The following KLF12 variants were observed in gnomAD, a reference collection of about 807,000 sequenced individuals.
KLF12 encodes Krueppel-like factor 12.
A neutral mutation model predicts 37.8 loss-of-function variants in KLF12; 9 were observed. The observed-to-expected ratio is 0.24, with a 90% CI of 0.14 to 0.42. The LOEUF is 0.42. KLF12 is among the 10% of genes least tolerant of loss of function. The probability of loss-of-function intolerance (pLI) is 1.00; values close to 1 mark genes in which losing one functional copy is unlikely to be tolerated. For synonymous variants in KLF12, 208 were observed against 202.1 expected, an observed-to-expected ratio of 1.03 and a Z score of -0.25; for missense variants, 411 against 516.0, an observed-to-expected ratio of 0.80 and a Z score of 1.97.
chr13:74,219,365 A>G, the KLF12 span, among the ~76,000 whole-genome samples: 1 of 152,176 alleles, frequency 6.6e-6, no homozygotes, highest in Non-Finnish European at 1.5e-5. Context: ...CTATATTTCC[A>G]TGTGAGTATA....
rs553066764 is a variant in KLF12 at position 74,016,352 on chromosome 13, C to G, written c.-31-21299G>C. 1.1e-4 allele frequency among the ~76,000 whole-genome samples: 16 copies of G among 151,904 alleles called. No individual in the cohort carries two copies. The South Asian group carries it at 3.3e-3, about 32-fold the overall frequency. On this transcript the variant is annotated intron_variant, in intron 1 of 7. Transcript: ENST00000377669. ...AAAACAATACGGAGTATCTGGAATT[C>G]CAGATTTGGTTTGTTTGTTTTTTAA...
At chr13:73,823,035 G>A (rs942234709) in intron 4 of KLF12, among the ~76,000 whole-genome samples, 1 of 152,170 alleles carries the variant, frequency 6.6e-6, no homozygotes, top group African/African-American at 2.4e-5. Context: ...GGAGAACAAT[G>A]AGATCACCAA....
intron 2 of KLF12, among the ~76,000 whole-genome samples, chr13:73,981,276 C>G (rs963760249): frequency 6.6e-6 from 1 of 152,080 alleles, no homozygotes; most frequent in Non-Finnish European, 1.5e-5. Flanking sequence ...GGTATATATT[C>G]CAGAGAAAAT....
At chr13:73,911,190 C>T (rs1888552436) in intron 3 of KLF12, among the ~76,000 whole-genome samples, 3 of 152,142 alleles carry the variant, frequency 2.0e-5, no homozygotes, top group South Asian at 4.2e-4. Flanking sequence ...ATCAGGACAT[C>T]TCACTGGGCC....
At chr13:74,295,893 A>C in the KLF12 span, among the ~76,000 whole-genome samples, 9 of 152,176 alleles carry the variant, frequency 5.9e-5, no homozygotes, top group East Asian at 1.2e-3. Flanking sequence ...AGTTCACTGC[A>C]ACCTCCACCT....
chr13:73,921,296 C>A (rs1030610350), intron 3 of KLF12, among the ~76,000 whole-genome samples: 4 of 152,160 alleles, frequency 2.6e-5, no homozygotes, highest in Non-Finnish European at 5.9e-5. Flanking sequence ...CTGTCAGATT[C>A]TTTCATGTAC....
chr13:73,864,589 A>G (rs1199928303), intron 3 of KLF12, among the ~76,000 whole-genome samples: 1 of 152,136 alleles, frequency 6.6e-6, no homozygotes, highest in African/African-American at 2.4e-5. Context: ...CACTGATCAG[A>G]GTAAGGAAAA....
chr13:74,020,012 C>T (rs1317442698), intron 1 of KLF12, among the ~76,000 whole-genome samples: 1 of 152,180 alleles, frequency 6.6e-6, no homozygotes, highest in Non-Finnish European at 1.5e-5. Flanking sequence ...AGGTGCTTGA[C>T]AAGCTGGGAA....
chr13:73,779,509 CCT>C (rs1457653569), intron 5 of KLF12, among the ~76,000 whole-genome samples: 1 of 152,188 alleles, frequency 6.6e-6, no homozygotes, highest in Non-Finnish European at 1.5e-5. Context: ...CAGGGTTCCC[CCT>C]GATACCTTAC....
At chr13:74,087,189 T>C (rs1257838212) in intron 1 of KLF12, among the ~76,000 whole-genome samples, 4 of 152,000 alleles carry the variant, frequency 2.6e-5, no homozygotes, top group African/African-American at 4.8e-5. Flanking sequence ...GAACAGGAAA[T>C]AGAAAGCATG....
chr13:73,720,507 T>C (rs1489415841), intron 6 of KLF12, among the ~76,000 whole-genome samples: 1 of 152,212 alleles, frequency 6.6e-6, no homozygotes. Flanking sequence ...AATATATCTG[T>C]ACAGCCCCAA....
At chr13:74,125,231 C>T (rs1172030667) in intron 1 of KLF12, among the ~76,000 whole-genome samples, 1 of 151,832 alleles carries the variant, frequency 6.6e-6, no homozygotes, top group Non-Finnish European at 1.5e-5. Context: ...AAAAGATACA[C>T]ATACACACTG....
intron 1 of KLF12, among the ~76,000 whole-genome samples, chr13:74,021,520 T>C (rs1432564345): frequency 6.6e-6 from 1 of 152,094 alleles, no homozygotes; most frequent in East Asian, 1.9e-4. Flanking sequence ...CAGCATAGCA[T>C]AATAGATCCA....
At chr13:74,139,825 A>G in the KLF12 span, among the ~76,000 whole-genome samples, 3 of 152,182 alleles carry the variant, frequency 2.0e-5, no homozygotes, top group Admixed American at 2.0e-4. Flanking sequence ...ATTTTAAAAT[A>G]TAATAAATTG....
At position 73,805,682 on chromosome 13, in the gene KLF12, A is replaced by G. The variant is rs192739000; in HGVS notation, c.806+7470T>C. 3.1e-3 allele frequency among the ~76,000 whole-genome samples: 410 copies of G among 132,338 alleles called. 14 individuals are homozygous for G. Among genetic ancestry groups the G allele is most frequent in the African/African-American group, 0.011 (334 of 29,368 alleles). The allele number at this position is 132,338 out of a possible 152,430, so 86.8% of individuals were successfully genotyped here. A position where few individuals can be genotyped will look rare whatever the true frequency, so the allele number is the denominator to read the frequency against. The stretch of plus-strand genomic sequence containing the variant: ...GAAGGAAGGAAGGAAGGAAGGAAGG[A>G]AGGAAGGAAGGAAGGAAGGAAGGAA... On this transcript the variant is annotated intron_variant, in intron 5 of 7. Coordinates refer to ENST00000377669, the MANE Select transcript of KLF12 (RefSeq NM_007249.5).
intron 1 of KLF12, among the ~76,000 whole-genome samples, chr13:74,046,359 A>C (rs1212871887): frequency 6.6e-6 from 1 of 152,174 alleles, no homozygotes; most frequent in Non-Finnish European, 1.5e-5. Context: ...CTTCCATACA[A>C]GGTTAAATTT....
At chr13:74,070,285 A>G (rs1874154092) in intron 1 of KLF12, among the ~76,000 whole-genome samples, 1 of 152,208 alleles carries the variant, frequency 6.6e-6, no homozygotes, top group Admixed American at 6.5e-5. Flanking sequence ...GTCAAAGAAG[A>G]TAACTCATGA....
At chr13:74,267,018 GT>G in the KLF12 span, among the ~76,000 whole-genome samples, 2 of 152,226 alleles carry the variant, frequency 1.3e-5, no homozygotes, top group East Asian at 3.9e-4. Context: ...GTCTCTTAAG[GT>G]TCAGGATAGA....
intron 2 of KLF12, among the ~76,000 whole-genome samples, chr13:73,951,729 T>C (rs756077454): frequency 2.0e-5 from 3 of 152,182 alleles, no homozygotes; most frequent in Non-Finnish European, 2.9e-5. Flanking sequence ...CCCAACCCCA[T>C]TGTCCACCAT....
Sources: gnomAD v4.1 joint callset for allele counts (sites outside exome capture counted in the v4.1 genomes callset) on GRCh38, gnomAD v4.1.1 for gene constraint, MANE v1.5 for transcripts, NCBI Gene and HGNC (gene_info 2026-07-23, HGNC 2026-07-21) for gene names.